Variants in HMCN1 observed in about 807,000 individuals in gnomAD.
HMCN1 encodes the protein hemicentin 1.
Under a neutral mutation model 625.9 loss-of-function variants are expected in HMCN1, and 321 were observed. That is an observed-to-expected ratio of 0.51 (90% confidence interval 0.47 to 0.56). HMCN1 has a LOEUF of 0.56. Among genes scored for constraint, HMCN1 ranks in the 20% least tolerant of loss-of-function variants. The pLI is 0.00. For synonymous variants in HMCN1, 2,425 were observed against 2,417.6 expected, an observed-to-expected ratio of 1.00 and a Z score of -0.09; for missense variants, 6,588 against 6,887.3, an observed-to-expected ratio of 0.96 and a Z score of 1.54.
rs772531115 is a variant in HMCN1, at chr1:185,970,401, A to G, written c.2279A>G (p.Gln760Arg). Residue 760 changes from glutamine (Q) to arginine (R), a missense_variant, in exon 15 of 107, where the codon CAA becomes CGA. Around this residue, in one of 3 missense-constraint regions of HMCN1, gnomAD observed 4,628 missense variants for 4,853.1 expected, o/e 0.95. Coordinates refer to ENST00000271588, the MANE Select transcript of HMCN1 (RefSeq NM_031935.3). The part of the protein sequence containing the change: ...IDPLLGLLKI[Q>R]ETQDLDAGDY... Reference sequence around the variant, plus strand: ...CCTCTCTTGGGACTTTTGAAGATTCAAGAAACACAAGATCTGGATGCTGGC... The same window carrying G: ...CCTCTCTTGGGACTTTTGAAGATTCGAGAAACACAAGATCTGGATGCTGGC... The G allele has an allele frequency of 5.6e-6, 9 of 1,613,618 alleles. No homozygotes were observed. Among genetic ancestry groups the G allele is most frequent in the Middle Eastern group, 3.3e-4 (2 of 6,080 alleles).
chr1:185,925,004 TCTTG>T (rs1255180413), intron 8 of HMCN1, 39 bp from the exon 9 acceptor site: 1 of 1,539,310 alleles, frequency 6.5e-7, no homozygotes, highest in South Asian at 1.2e-5. Flanking sequence ...ATTGTGACCT[TCTTG>T]CTTAAGTTTT....
intron 14 of HMCN1, among the ~76,000 whole-genome samples, chr1:185,969,828 G>A (rs1650686081): frequency 6.6e-6 from 1 of 152,172 alleles, no homozygotes; most frequent in Admixed American, 6.5e-5. Flanking sequence ...CCTGGAGGAG[G>A]AGGAGGGGAA....
chr1:186,164,757 A>G (rs1651768968), intron 97 of HMCN1, among the ~76,000 whole-genome samples: 1 of 152,240 alleles, frequency 6.6e-6, no homozygotes, highest in South Asian at 2.1e-4. Flanking sequence ...CTCATTTTAG[A>G]GTAAAACCGG....
intron 1 of HMCN1, among the ~76,000 whole-genome samples, chr1:185,750,910 A>T (rs536744256): frequency 1.9e-4 from 29 of 150,164 alleles, no homozygotes; most frequent in African/African-American, 7.1e-4. Flanking sequence ...TTTATCCTTG[A>T]TTTGGTTGTC....
At chr1:185,928,879 G>T (rs762022092) in intron 10 of HMCN1, among the ~76,000 whole-genome samples, 7 of 151,952 alleles carry the variant, frequency 4.6e-5, no homozygotes, top group African/African-American at 1.7e-4. Context: ...TCAATGCCTT[G>T]GTTTCCCTAA....
In HMCN1 at chr1:185,748,602, C is replaced by G. The variant is rs545432920; in HGVS notation, c.268+13555C>G. On this transcript the variant is annotated intron_variant, in intron 1 of 106. Coordinates refer to ENST00000271588, the MANE Select transcript of HMCN1 (RefSeq NM_031935.3). ...TAACAGGGGATTTGATTTATCTTGA[C>G]AAAGTAAAATTTAGTAGAGTTAGAA... 2.0e-5 allele frequency among the ~76,000 whole-genome samples: 3 copies of G among 152,184 alleles called. No individual in the cohort carries two copies. In the South Asian group the frequency reaches 6.2e-4, roughly 32 times the overall value.
At chr1:185,814,211 T>G (rs1167283816) in intron 1 of HMCN1, among the ~76,000 whole-genome samples, 1 of 152,166 alleles carries the variant, frequency 6.6e-6, no homozygotes, top group East Asian at 1.9e-4. Flanking sequence ...AAACAATAGT[T>G]GTACAGGCCA....
At chr1:186,077,448 A>G (rs898791803) in intron 54 of HMCN1, among the ~76,000 whole-genome samples, 1 of 152,174 alleles carries the variant, frequency 6.6e-6, no homozygotes, top group Non-Finnish European at 1.5e-5. Context: ...TATCCTTGTT[A>G]TGAAATATGG....
At chr1:186,053,577 C>T (rs568235273) in intron 43 of HMCN1, among the ~76,000 whole-genome samples, 16 of 152,056 alleles carry the variant, frequency 1.1e-4, no homozygotes, top group African/African-American at 3.1e-4. Context: ...CTGAATTCTG[C>T]GTTTGACCAG....
intron 1 of HMCN1, among the ~76,000 whole-genome samples, chr1:185,755,862 T>TA (rs1448438958): frequency 6.6e-6 from 1 of 152,212 alleles, no homozygotes; most frequent in Non-Finnish European, 1.5e-5. Flanking sequence ...TTCCCAGTGT[T>TA]ACGGCCTTAG....
chr1:186,137,444 T>C, intron 87 of HMCN1, 54 bp from the exon 88 acceptor site: 1 of 1,578,300 alleles, frequency 6.3e-7, no homozygotes, highest in Non-Finnish European at 8.6e-7. Flanking sequence ...TGAAATCTCC[T>C]TTACAATGTT....
chr1:186,023,034 A>C lies in HMCN1; in HGVS notation c.5630A>C (p.Gln1877Pro), dbSNP rs939090669. The C allele has an allele frequency of 1.2e-6, 2 of 1,613,310 alleles. No individual in the cohort carries two copies. The highest frequency in any genetic ancestry group is 1.3e-5 in the African/African-American group (1 of 74,894). The change falls in exon 36 of 107, where the codon CAG becomes CCG. Residue 1877 changes from glutamine (Q) to proline (P), a missense_variant. Gln to Pro is a moderately conservative substitution (Grantham distance 76). Around this residue, in one of 3 missense-constraint regions of HMCN1, gnomAD observed 4,628 missense variants for 4,853.1 expected, o/e 0.95. Transcript: ENST00000271588. ...GTGCTTTCTGCTCCCAATTAGATAC[A>C]GTCTTCTGGTCGAGTTCTACAAATT... ...VNTAQGNLKIQSSGRVLQIAK... is the reference protein window; with the variant it reads ...VNTAQGNLKIPSSGRVLQIAK...
chr1:185,957,566 G>T (rs1196626231), intron 11 of HMCN1, among the ~76,000 whole-genome samples: 2 of 152,176 alleles, frequency 1.3e-5, no homozygotes, highest in Admixed American at 6.6e-5. Context: ...TGAGGCTGGA[G>T]ATCAACCCAG....
rs757339567 is a variant in HMCN1, at chr1:185,994,951, T to C, written c.3642T>C (p.Asp1214=). 2 of 1,613,928 alleles carry C rather than the reference T, an allele frequency of 1.2e-6. No individual in the cohort carries two copies. The highest frequency in any genetic ancestry group is 8.5e-7 in the Non-Finnish European group (1 of 1,179,850). ...WSKGGSTMLV[D]GEHHVSNPDG... The stretch of plus-strand genomic sequence containing the variant: ...AAGGTGGAAGCACTATGCTGGTTGA[T>C]GGAGAGCACCATGTTAGCAATCCAG... Residue 1214 remains aspartate, a synonymous_variant, in exon 24 of 107, where the codon GAT becomes GAC. Coordinates refer to ENST00000271588, the MANE Select transcript of HMCN1 (RefSeq NM_031935.3).
chr1:186,153,736 A>G lies in HMCN1; in HGVS notation c.15019-14A>G. ...GAGCCATATTGATCTTCAAATCCAC[A>G]TTGTTCTCCTTAGGATTACACAGAG... is the stretch of plus-strand genomic sequence containing the variant. On this transcript the variant is annotated splice_polypyrimidine_tract_variant and intron_variant, in intron 96 of 106. Transcript: ENST00000271588. The G allele has an allele frequency of 1.2e-6, 2 of 1,607,464 alleles. No homozygotes were observed. The highest frequency in any genetic ancestry group is 1.7e-6 in the Non-Finnish European group (2 of 1,174,012).
At chr1:185,927,514 AGAAACCTG>A (rs967051417) in intron 9 of HMCN1, among the ~76,000 whole-genome samples, 78 of 152,366 alleles carry the variant, frequency 5.1e-4, no homozygotes, top group Middle Eastern at 6.8e-3. Context: ...CCTAAGGCAC[AGAAACCTG>A]TTTTAACTTT....
intron 9 of HMCN1, 97 bp downstream of exon 9, chr1:185,925,288 C>T: frequency 1.6e-6 from 2 of 1,216,244 alleles, no homozygotes; most frequent in Non-Finnish European, 2.4e-6. Flanking sequence ...AAAATTCTCA[C>T]TTGCTACATA....
At chr1:186,166,104 G>A (rs6425021) in intron 98 of HMCN1, 80 bp from the exon 99 acceptor site, 454,684 of 1,533,060 alleles carry the variant, frequency 0.3, 71,740 homozygotes, top group African/African-American at 0.49. Context: ...TCTATAAGCA[G>A]TTATTTTTAC....
intron 1 of HMCN1, among the ~76,000 whole-genome samples, chr1:185,835,600 G>A (rs1160847850): frequency 6.6e-6 from 1 of 151,726 alleles, no homozygotes; most frequent in Non-Finnish European, 1.5e-5. Flanking sequence ...CTAAATCTAG[G>A]ATGCTTTTAG....
Sources: allele counts gnomAD v4.1 joint callset (sites outside exome capture counted in the v4.1 genomes callset), GRCh38; gene constraint gnomAD v4.1.1; regional missense constraint gnomAD v4.1.1; transcripts MANE v1.5; gene names NCBI Gene and HGNC (gene_info 2026-07-23, HGNC 2026-07-21).